Variants in STAU2 observed in about 807,000 individuals in gnomAD.
STAU2 encodes the protein double-stranded RNA-binding protein Staufen homolog 2.
STAU2 carries 20 observed loss-of-function variants against 65.9 expected under a neutral mutation model. That is an observed-to-expected ratio of 0.30 (90% CI 0.21 to 0.44). STAU2 has a LOEUF of 0.44. STAU2 is among the 20% of genes least tolerant of loss of function. The probability of loss-of-function intolerance (pLI) is 1.00; values close to 1 mark genes in which losing one functional copy is unlikely to be tolerated. For synonymous variants in STAU2, 232 were observed against 233.9 expected (o/e 0.99, Z 0.07); for missense variants, 558 against 683.9 (o/e 0.82, Z 2.05).
At chr8:73,615,917 C>CTG in intron 7 of STAU2, 135 bp from the exon 8 acceptor site, 1 of 614,980 alleles carries the variant, frequency 1.6e-6, no homozygotes, top group Non-Finnish European at 2.8e-6. Context: ...CTGCATTCTC[C>CTG]TGTAACCACA....
At chr8:73,724,178 A>G (rs1805459423) in intron 3 of STAU2, among the ~76,000 whole-genome samples, 1 of 152,054 alleles carries the variant, frequency 6.6e-6, no homozygotes, top group East Asian at 1.9e-4. Context: ...CTCAAGAATC[A>G]CTTGATTCTT....
intron 6 of STAU2, among the ~76,000 whole-genome samples, chr8:73,633,704 G>A (rs575069801): frequency 6.6e-6 from 1 of 152,306 alleles, no homozygotes; most frequent in African/African-American, 2.4e-5. Context: ...ACTGAGGCCA[G>A]GCACGGTGGC....
intron 6 of STAU2, among the ~76,000 whole-genome samples, chr8:73,666,989 G>T (rs182053368): frequency 6.6e-6 from 1 of 152,232 alleles, no homozygotes; most frequent in East Asian, 1.9e-4. Flanking sequence ...ATACTTCGTA[G>T]GCAATTTAAA....
chr8:73,593,446 G>T (rs1810965404), intron 11 of STAU2, among the ~76,000 whole-genome samples: 1 of 152,160 alleles, frequency 6.6e-6, no homozygotes, highest in Non-Finnish European at 1.5e-5. Flanking sequence ...AGCTCCTTGA[G>T]TGCAGAGACC....
intron 3 of STAU2, among the ~76,000 whole-genome samples, chr8:73,728,381 T>C (rs1006906982): frequency 4.6e-5 from 7 of 152,114 alleles, no homozygotes; most frequent in Non-Finnish European, 1.5e-5. Flanking sequence ...TCTGGCTTTA[T>C]TCTTCCTTTT....
chr8:73,563,014 A>G (rs1310523443), intron 12 of STAU2, among the ~76,000 whole-genome samples: 1 of 152,152 alleles, frequency 6.6e-6, no homozygotes, highest in Non-Finnish European at 1.5e-5. Flanking sequence ...TCTTGTAAAA[A>G]TAACAAATTC....
In STAU2 at chr8:73,500,264, G is replaced by T. The variant is rs73322850; in HGVS notation, c.1530+51748C>A. Among the ~76,000 whole-genome samples the T allele has an allele frequency of 9.6e-3, 1,465 of 151,982 alleles. 24 individuals carry two copies. Among genetic ancestry groups the T allele is most frequent in the African/African-American group, 0.034 (1,397 of 41,492 alleles). On this transcript the variant is annotated intron_variant, in intron 13 of 14. Transcript: ENST00000524300. ...TGCATATGATCTATGCACATCTTCT[G>T]TATACTTTAAATTACCTCTAGATTA...
At chr8:73,642,819 G>T (rs1815090362) in intron 6 of STAU2, among the ~76,000 whole-genome samples, 1 of 152,146 alleles carries the variant, frequency 6.6e-6, no homozygotes, top group Non-Finnish European at 1.5e-5. Flanking sequence ...GCAAATGAGA[G>T]AGAACAGAAA....
chr8:73,477,016 A>G (rs1820356773), intron 13 of STAU2, among the ~76,000 whole-genome samples: 1 of 152,228 alleles, frequency 6.6e-6, no homozygotes, highest in African/African-American at 2.4e-5. Context: ...TGGCAACTGG[A>G]GCTCAAATGA....
At chr8:73,549,551 A>G in intron 13 of STAU2, 1 of 827,882 alleles carries the variant, frequency 1.2e-6, no homozygotes, top group Non-Finnish European at 1.5e-6. Context: ...GTAATTTATA[A>G]ATTCAAATTA....
intron 13 of STAU2, among the ~76,000 whole-genome samples, chr8:73,437,556 T>C (rs1213245669): frequency 6.6e-6 from 1 of 152,200 alleles, no homozygotes; most frequent in Non-Finnish European, 1.5e-5. Flanking sequence ...TTCTGACCTA[T>C]AGAACTGCAA....
chr8:73,631,771 A>G (rs2130032236), intron 6 of STAU2, among the ~76,000 whole-genome samples: 1 of 152,298 alleles, frequency 6.6e-6, no homozygotes, highest in East Asian at 1.9e-4. Flanking sequence ...TGAAGCCAAG[A>G]AAAAGCCTGG....
At chr8:73,647,499 T>C (rs936473415) in intron 6 of STAU2, among the ~76,000 whole-genome samples, 1 of 151,638 alleles carries the variant, frequency 6.6e-6, no homozygotes, top group African/African-American at 2.4e-5. Flanking sequence ...GGGCTAGAGA[T>C]AGTAGGGTAG....
chr8:73,588,790 T>C (rs1043669438), intron 11 of STAU2, among the ~76,000 whole-genome samples: 3 of 151,696 alleles, frequency 2.0e-5, no homozygotes, highest in Non-Finnish European at 4.4e-5. Flanking sequence ...TGCTGGGAAA[T>C]GTACAGGAAA....
chr8:73,621,191 T>G (rs1344102994), intron 6 of STAU2, among the ~76,000 whole-genome samples: 1 of 152,158 alleles, frequency 6.6e-6, no homozygotes, highest in Non-Finnish European at 1.5e-5. Context: ...GGGACCTGGT[T>G]GGAGGTTAAG....
intron 12 of STAU2, among the ~76,000 whole-genome samples, chr8:73,563,368 A>G (rs536407911): frequency 1.3e-5 from 2 of 152,318 alleles, no homozygotes; most frequent in Non-Finnish European, 2.9e-5. Flanking sequence ...AAGGAGAATC[A>G]GAACTAGTGG....
chr8:73,576,894 G>T (rs1809600573), intron 12 of STAU2, among the ~76,000 whole-genome samples: 1 of 152,082 alleles, frequency 6.6e-6, no homozygotes, highest in Non-Finnish European at 1.5e-5. Context: ...TTGAATTTCT[G>T]CAAGATATTT....
intron 13 of STAU2, among the ~76,000 whole-genome samples, chr8:73,530,732 T>C (rs2128932931): frequency 1.3e-5 from 2 of 152,158 alleles, no homozygotes; most frequent in South Asian, 4.2e-4. Context: ...GTAGGTAGTG[T>C]ACCTGAAAAA....
intron 5 of STAU2, among the ~76,000 whole-genome samples, chr8:73,675,061 T>A (rs1817941733): frequency 6.6e-6 from 1 of 151,416 alleles, no homozygotes; most frequent in Non-Finnish European, 1.5e-5. Context: ...CAAGTCACAG[T>A]ACATTTAAGA....
Sources: gnomAD v4.1 joint callset for allele counts (sites outside exome capture counted in the v4.1 genomes callset) on GRCh38, gnomAD v4.1.1 for gene constraint, MANE v1.5 for transcripts, NCBI Gene and HGNC (gene_info 2026-07-23, HGNC 2026-07-21) for gene names.